The following ZNF382 variants were observed in gnomAD, a reference collection of about 807,000 sequenced individuals.
ZNF382 encodes KRAB/zinc finger suppressor protein 1.
Under a neutral mutation model 38.8 loss-of-function variants are expected in ZNF382, and 20 were observed. That is an observed-to-expected ratio of 0.51 (90% CI 0.36 to 0.75). ZNF382 has a LOEUF of 0.75. ZNF382 is among the 30% of genes least tolerant of loss of function. ZNF382 has a pLI of 0.00. For synonymous variants in ZNF382, 202 were observed against 223.1 expected (o/e 0.91, Z 0.84); for missense variants, 546 against 654.1 (o/e 0.83, Z 1.80).
chr19:36,628,883 G>A lies in ZNF382; in HGVS notation c.*1333G>A, dbSNP rs1418571003. ...AATGATTGTAAGAATGACTTTAACT[G>A]TTGCTCATTTCTTTTACACCATCAA... On this transcript the variant is annotated 3_prime_UTR_variant, in exon 5 of 5. Coordinates refer to ENST00000292928, the MANE Select transcript of ZNF382 (RefSeq NM_032825.5). 4 of 151,810 alleles carry A rather than the reference G, an allele frequency of 2.6e-5. No homozygotes were observed. The East Asian group carries it at 7.7e-4, about 29-fold the overall frequency. The allele number at this position is 151,810 out of a possible 1,614,324, so 9.4% of individuals were successfully genotyped here.
chr19:36,611,552 G>GGTCC (rs1445901740), intron 4 of ZNF382, among the ~76,000 whole-genome samples: 2 of 152,124 alleles, frequency 1.3e-5, no homozygotes, highest in African/African-American at 2.4e-5. Flanking sequence ...ATCCGTCAGT[G>GGTCC]GTCCGTTGGG....
rs1421420583 is a variant in ZNF382, at chr19:36,631,037, G to C, written c.*3487G>C. ...TGGCCTCAAGCAATCTTCCCTCTTC[G>C]GCCTCCTAAAATGCTGGGGTTACAG... On this transcript the variant is annotated 3_prime_UTR_variant, in exon 5 of 5. Coordinates refer to ENST00000292928, the MANE Select transcript of ZNF382 (RefSeq NM_032825.5). 6.6e-6 allele frequency: 1 copy of C among 151,510 alleles called. No homozygotes were observed. The highest frequency in any genetic ancestry group is 1.5e-5 in the Non-Finnish European group (1 of 67,896). The allele number at this position is 151,510 out of a possible 1,614,324, so 9.4% of individuals were successfully genotyped here.
intron 3 of ZNF382, 179 bp from the exon 4 acceptor site, chr19:36,610,468 AAAG>A (rs2037068309): frequency 2.3e-5 from 11 of 479,370 alleles, no homozygotes. Flanking sequence ...AAAAAAAAGA[AAAG>A]AAAAGGAAAG....
chr19:36,606,513 G>A (rs1340226270), intron 1 of ZNF382, among the ~76,000 whole-genome samples: 3 of 151,648 alleles, frequency 2.0e-5, no homozygotes, highest in Non-Finnish European at 2.9e-5. Context: ...GTGCCACCAC[G>A]CTCGGCTAGT....
At chr19:36,607,729 A>C (rs2037046055) in intron 2 of ZNF382, 107 bp downstream of exon 2, 1 of 1,228,710 alleles carries the variant, frequency 8.1e-7, no homozygotes, top group African/African-American at 1.5e-5. Context: ...GCTTCCATGA[A>C]ATTAGTCTTC....
intron 4 of ZNF382, among the ~76,000 whole-genome samples, chr19:36,614,960 T>C (rs796986672): frequency 4.4e-4 from 44 of 101,076 alleles, no homozygotes; most frequent in South Asian, 3.0e-3. Flanking sequence ...TTTCCCTTCC[T>C]TTCCTTTCCT....
chr19:36,610,402 G>T (rs1372339316), intron 3 of ZNF382: 1 of 392,066 alleles, frequency 2.6e-6, no homozygotes, highest in Non-Finnish European at 4.6e-6. Context: ...GTTGCAGTGA[G>T]TTGAGATTGC....
At position 36,626,309 on chromosome 19, in the gene ZNF382, C is replaced by T. The variant is rs1480969571; in HGVS notation, c.412C>T (p.Pro138Ser). Reference protein sequence around the residue: ...ISKTILCEYKPDGKVLKNISE... With the variant: ...ISKTILCEYKSDGKVLKNISE... ...AAAAACAATACTATGTGAATATAAA[C>T]CTGATGGAAAAGTTTTGAAAAATAT... The change falls in exon 5 of 5, where the codon CCT (proline) becomes TCT (serine). Residue 138 changes from proline (P) to serine (S), a missense_variant. Transcript: ENST00000292928. The T allele has an allele frequency of 3.8e-6, 6 of 1,586,294 alleles. No homozygotes were observed. The Admixed American group carries it at 1.2e-4, about 31-fold the overall frequency.
intron 4 of ZNF382, among the ~76,000 whole-genome samples, chr19:36,614,116 G>C (rs2037101606): frequency 6.6e-6 from 1 of 152,008 alleles, no homozygotes; most frequent in African/African-American, 2.4e-5. Context: ...GAGGCGGGCG[G>C]ATCACCTGAG....
intron 3 of ZNF382, 120 bp from the exon 4 acceptor site, chr19:36,610,530 T>G: frequency 1.5e-6 from 1 of 654,422 alleles, no homozygotes; most frequent in Non-Finnish European, 2.6e-6. Context: ...TGTAAGGTAT[T>G]AACTTTGGTA....
In ZNF382 at chr19:36,627,556, G is replaced by A; in HGVS notation, c.*6G>A. 1 of 1,599,872 alleles carries A rather than the reference G, an allele frequency of 6.3e-7. No homozygotes were observed. The highest frequency in any genetic ancestry group is 8.5e-7 in the Non-Finnish European group (1 of 1,170,204). The stretch of plus-strand genomic sequence containing the variant: ...AAACCACGGGAATTCAGTAAGTAAT[G>A]TGGCTTTTTTTGTAAAAAAATGTTA... On this transcript the variant is annotated 3_prime_UTR_variant, in exon 5 of 5. Coordinates refer to ENST00000292928, the MANE Select transcript of ZNF382 (RefSeq NM_032825.5).
At chr19:36,618,300 A>G (rs2037141514) in intron 4 of ZNF382, among the ~76,000 whole-genome samples, 1 of 152,186 alleles carries the variant, frequency 6.6e-6, no homozygotes, top group South Asian at 2.1e-4. Flanking sequence ...TTCAGAGCTA[A>G]ACAGCCACTG....
chr19:36,609,969 G>GA lies in ZNF382; in HGVS notation c.56dup (p.Glu20GlyfsTer33), dbSNP rs1344192821. On this transcript the variant is annotated frameshift_variant, in exon 3 of 5. Coordinates refer to ENST00000292928, the MANE Select transcript of ZNF382 (RefSeq NM_032825.5). LOFTEE classifies it high-confidence loss of function. Reference sequence around the variant, plus strand: ...GGATGTGACTGTGGACTTCACCCAGGAGGAGTGGCAGCAACTAGACCCTGC... The same window carrying GA: ...GGATGTGACTGTGGACTTCACCCAGGAAGGAGTGGCAGCAACTAGACCCTGC... The GA allele has an allele frequency of 6.2e-7, 1 of 1,614,046 alleles. No homozygotes were observed. Among genetic ancestry groups the GA allele is most frequent in the Admixed American group, 1.7e-5 (1 of 59,962 alleles).
At chr19:36,611,623 A>G (rs1248745438) in intron 4 of ZNF382, among the ~76,000 whole-genome samples, 5 of 152,148 alleles carry the variant, frequency 3.3e-5, no homozygotes, top group African/African-American at 1.2e-4. Flanking sequence ...TACAAATATC[A>G]GTTTTAGTCC....
chr19:36,632,175 T>C lies in ZNF382; in HGVS notation c.*4625T>C. ...GAGCTGACAGCAGAACTTCTCTACA[T>C]GGGTTTTTTTGTTGTCATTGTTTTG... is the stretch of plus-strand genomic sequence containing the variant. On this transcript the variant is annotated 3_prime_UTR_variant, in exon 5 of 5. Coordinates refer to ENST00000292928, the MANE Select transcript of ZNF382 (RefSeq NM_032825.5). 6.6e-6 allele frequency: 1 copy of C among 152,250 alleles called. No homozygotes were observed. The highest frequency in any genetic ancestry group is 1.9e-4 in the East Asian group (1 of 5,186). 9.4% of individuals were successfully genotyped at this position (152,250 alleles called of 1,614,324 possible).
chr19:36,625,183 G>A (rs1400611083), intron 4 of ZNF382, among the ~76,000 whole-genome samples: 2 of 137,996 alleles, frequency 1.4e-5, no homozygotes, highest in Non-Finnish European at 3.1e-5. Context: ...GTCTTTTGCT[G>A]TATTTTATAA....
chr19:36,614,297 G>T (rs963530394), intron 4 of ZNF382, among the ~76,000 whole-genome samples: 5 of 152,122 alleles, frequency 3.3e-5, no homozygotes, highest in African/African-American at 4.8e-5. Context: ...CCAAGACCGC[G>T]CCATTGCACT....
intron 4 of ZNF382, among the ~76,000 whole-genome samples, chr19:36,621,216 A>G (rs908877569): frequency 6.6e-6 from 1 of 151,838 alleles, no homozygotes; most frequent in Admixed American, 6.6e-5. Context: ...ATATCTTTAC[A>G]TCTTCTTATA....
At chr19:36,623,693 T>C (rs1335507157) in intron 4 of ZNF382, among the ~76,000 whole-genome samples, 1 of 150,870 alleles carries the variant, frequency 6.6e-6, no homozygotes, top group African/African-American at 2.4e-5. Context: ...ACTCAGGAGG[T>C]CGAGGCATGA....
Sources: gnomAD v4.1 joint callset for allele counts (sites outside exome capture counted in the v4.1 genomes callset) on GRCh38, gnomAD v4.1.1 for gene constraint, MANE v1.5 for transcripts, NCBI Gene and HGNC (gene_info 2026-07-23, HGNC 2026-07-21) for gene names.